The following EYS variants were observed in gnomAD, a reference collection of about 807,000 sequenced individuals.
The protein encoded by EYS is protein eyes shut homolog.
EYS carries 250 observed loss-of-function variants against 282.1 expected under a neutral mutation model. The observed-to-expected ratio is 0.89, with a 90% CI of 0.80 to 0.98. EYS has a LOEUF of 0.98. Ranked by LOEUF, EYS falls within the 50% of genes least tolerant of loss-of-function variation. EYS has a pLI of 0.00. For missense variants in EYS, 4,016 were observed against 3,709.0 expected, an observed-to-expected ratio of 1.08 and a Z score of -2.15; for synonymous variants, 1,355 against 1,282.9, an observed-to-expected ratio of 1.06 and a Z score of -1.20.
At chr6:64,333,748 A>C (rs1443392192) in intron 29 of EYS, among the ~76,000 whole-genome samples, 1 of 152,170 alleles carries the variant, frequency 6.6e-6, no homozygotes. Context: ...AGGTTTTATA[A>C]ATCTTTCAAG....
At chr6:64,415,628 T>C (rs1582724579) in intron 28 of EYS, among the ~76,000 whole-genome samples, 2 of 152,300 alleles carry the variant, frequency 1.3e-5, no homozygotes, top group South Asian at 4.1e-4. Flanking sequence ...AATGCTTCAG[T>C]TACTGGGAGA....
intron 4 of EYS, among the ~76,000 whole-genome samples, chr6:65,493,377 C>T (rs1329128412): frequency 1.3e-5 from 2 of 152,160 alleles, no homozygotes; most frequent in African/African-American, 2.4e-5. Context: ...ACCTTCCTTC[C>T]TCTTTTATGA....
chr6:65,276,682 A>T (rs946321480), intron 12 of EYS, among the ~76,000 whole-genome samples: 14 of 152,094 alleles, frequency 9.2e-5, no homozygotes, highest in African/African-American at 3.1e-4. Flanking sequence ...AGTCAAGACT[A>T]CTAATGGCTA....
At chr6:65,459,532 A>G (rs943098949) in intron 5 of EYS, among the ~76,000 whole-genome samples, 3 of 152,042 alleles carry the variant, frequency 2.0e-5, no homozygotes, top group Non-Finnish European at 4.4e-5. Flanking sequence ...TGAAGAGTAT[A>G]TGATATTTTA....
At chr6:64,636,659 C>T (rs1294080563) in intron 22 of EYS, among the ~76,000 whole-genome samples, 2 of 152,072 alleles carry the variant, frequency 1.3e-5, no homozygotes, top group Non-Finnish European at 2.9e-5. Flanking sequence ...AGGCAACCTA[C>T]AGAATGGGAG....
rs550066479 is a variant in EYS at position 65,694,539 on chromosome 6, G to A, written c.-448+12596C>T. On this transcript the variant is annotated intron_variant, in intron 1 of 42. Coordinates refer to ENST00000503581, the MANE Select transcript of EYS (RefSeq NM_001142800.2). ...TGATTATAATTTCTAAGCAGAGATC[G>A]CCCTTGTGTAATCAGTAGTATAGAA... is the stretch of plus-strand genomic sequence containing the variant. Among the ~76,000 whole-genome samples, 21 of 149,562 alleles carry A rather than the reference G, an allele frequency of 1.4e-4. 1 individual carries two copies. Among genetic ancestry groups the A allele is most frequent in the South Asian group, 8.6e-4 (4 of 4,636 alleles).
intron 32 of EYS, among the ~76,000 whole-genome samples, chr6:64,077,603 G>C (rs1465726067): frequency 6.6e-6 from 1 of 151,952 alleles, no homozygotes; most frequent in Non-Finnish European, 1.5e-5. Context: ...CACTGGAGTT[G>C]CTCATGTAAT....
At chr6:65,360,821 G>T (rs1001902434) in intron 8 of EYS, among the ~76,000 whole-genome samples, 1 of 152,120 alleles carries the variant, frequency 6.6e-6, no homozygotes, top group Non-Finnish European at 1.5e-5. Flanking sequence ...TATGTAGAAA[G>T]ACAGTATTGC....
At chr6:64,690,519 A>C (rs143688476) in intron 22 of EYS, among the ~76,000 whole-genome samples, 15 of 152,318 alleles carry the variant, frequency 9.8e-5, no homozygotes, top group Admixed American at 6.5e-4. Context: ...CTATAAAGAC[A>C]CAGGCATGCG....
In EYS at chr6:64,934,135, T is replaced by TA. The variant is rs753698919; in HGVS notation, c.2381+11657dup. 5.2e-4 allele frequency among the ~76,000 whole-genome samples: 75 copies of TA among 144,540 alleles called. 1 individual carries two copies. The highest frequency in any genetic ancestry group is 3.6e-3 in the Middle Eastern group (1 of 278). The allele number at this position is 144,540 out of a possible 152,430, so 94.8% of individuals were successfully genotyped here. ...ATGTATCCCAGAACTTAAAGTATAT[T>TA]AAAAAAAAAAAGTTATTGGAAAAAA... On this transcript the variant is annotated intron_variant, in intron 15 of 42. Coordinates refer to ENST00000503581, the MANE Select transcript of EYS (RefSeq NM_001142800.2).
intron 28 of EYS, among the ~76,000 whole-genome samples, chr6:64,404,989 A>G (rs914553152): frequency 6.6e-6 from 1 of 151,886 alleles, no homozygotes; most frequent in Non-Finnish European, 1.5e-5. Context: ...ATTTTATTTT[A>G]TTTATTTTAA....
chr6:64,697,932 CT>C (rs1038863926), intron 22 of EYS, among the ~76,000 whole-genome samples: 3 of 151,898 alleles, frequency 2.0e-5, no homozygotes, highest in Non-Finnish European at 4.4e-5. Context: ...CAGAACAAGA[CT>C]CCGTCTCAAA....
chr6:65,552,992 T>C (rs1768655622), intron 2 of EYS, among the ~76,000 whole-genome samples: 1 of 152,152 alleles, frequency 6.6e-6, no homozygotes, highest in Non-Finnish European at 1.5e-5. Flanking sequence ...AAGAATTGAT[T>C]CAAATCGGCA....
chr6:64,980,473 C>T (rs1770618688), intron 14 of EYS, among the ~76,000 whole-genome samples: 1 of 151,294 alleles, frequency 6.6e-6, no homozygotes, highest in South Asian at 2.1e-4. Context: ...ATTTATTGTA[C>T]ATTAGTAAAA....
At chr6:64,706,321 C>G (rs879787821) in intron 22 of EYS, among the ~76,000 whole-genome samples, 2 of 152,086 alleles carry the variant, frequency 1.3e-5, no homozygotes, top group Admixed American at 1.3e-4. Flanking sequence ...AAAATAAACT[C>G]AAGATAAAGG....
At chr6:64,873,714 G>T (rs1766662234) in intron 19 of EYS, among the ~76,000 whole-genome samples, 1 of 140,900 alleles carries the variant, frequency 7.1e-6, no homozygotes, top group African/African-American at 2.8e-5. Flanking sequence ...AAAATTATCA[G>T]TTAGTGGGGA....
chr6:65,258,653 C>T (rs1469151837), intron 12 of EYS, among the ~76,000 whole-genome samples: 1 of 151,976 alleles, frequency 6.6e-6, no homozygotes, highest in East Asian at 1.9e-4. Context: ...ATTATGAGAG[C>T]AAGATTGTCT....
At chr6:65,371,727 CTCTCTCTCTCTCTCTGTG>C (rs1398969785) in intron 8 of EYS, among the ~76,000 whole-genome samples, 4,959 of 129,188 alleles carry the variant, frequency 0.038, 90 homozygotes, top group Non-Finnish European at 0.049. Context: ...CTCTCTCTCT[CTCTCTCTCTCTCTCTGTG>C]TGTGTGTGTG....
At chr6:64,614,713 C>T (rs887769955) in intron 24 of EYS, among the ~76,000 whole-genome samples, 2 of 152,096 alleles carry the variant, frequency 1.3e-5, no homozygotes, top group Admixed American at 6.6e-5. Context: ...TTACATTAGC[C>T]AACAGCTTGG....
Sources: allele counts gnomAD v4.1 joint callset (sites outside exome capture counted in the v4.1 genomes callset), GRCh38; gene constraint gnomAD v4.1.1; transcripts MANE v1.5; gene names NCBI Gene and HGNC (gene_info 2026-07-23, HGNC 2026-07-21).